The following LRP1B variants were observed in gnomAD, a reference collection of about 807,000 sequenced individuals.
The protein encoded by LRP1B is LDL receptor related protein 1B.
In LRP1B, 217 loss-of-function variants were observed where a neutral mutation model predicts 556.6. That is an observed-to-expected ratio of 0.39 (90% CI 0.35 to 0.44). LRP1B has a LOEUF of 0.44. Ranked by LOEUF, LRP1B falls within the 20% of genes least tolerant of loss-of-function variation. The probability of loss-of-function intolerance (pLI) is 1.00; values close to 1 mark genes in which losing one functional copy is unlikely to be tolerated. For synonymous variants in LRP1B, 2,047 were observed against 1,865.8 expected (o/e 1.10, Z -2.50); for missense variants, 5,053 against 5,620.8 (o/e 0.90, Z 3.23).
intron 51 of LRP1B, among the ~76,000 whole-genome samples, chr2:140,513,290 C>A (rs1007238859): frequency 3.9e-5 from 6 of 152,034 alleles, no homozygotes; most frequent in Admixed American, 3.9e-4. Context: ...ACTTTAGAGA[C>A]TTTGCCCCTA....
Position 140,485,428 on chromosome 2 carries a change from A to G in LRP1B, c.9340T>C (p.Ser3114Pro). 6.2e-7 allele frequency: 1 copy of G among 1,613,798 alleles called. No individual in the cohort carries two copies. Among genetic ancestry groups the G allele is most frequent in the Non-Finnish European group, 8.5e-7 (1 of 1,179,738 alleles). ...GTAGGGTACAAGCCATTGAGTTTGG[A>G]TACTTCAATGATTCTTTTTTCTGTG... ...SDTEKRIIEVSKLNGLYPTIL... is the reference protein window; with the variant it reads ...SDTEKRIIEVPKLNGLYPTIL... Residue 3114 changes from serine (S) to proline (P), a missense_variant, in exon 59 of 91, where the codon TCC (serine) becomes CCC (proline). By Grantham distance (74) the Ser-to-Pro change is moderately conservative. Transcript: ENST00000389484.
At chr2:140,314,580 A>G (rs1684440566) in intron 83 of LRP1B, among the ~76,000 whole-genome samples, 1 of 152,082 alleles carries the variant, frequency 6.6e-6, no homozygotes, top group South Asian at 2.1e-4. Context: ...ATTGATTTTT[A>G]GCATTAGGAA....
At chr2:142,107,420 G>T (rs1433284024) in intron 1 of LRP1B, among the ~76,000 whole-genome samples, 3 of 151,984 alleles carry the variant, frequency 2.0e-5, no homozygotes, top group Non-Finnish European at 4.4e-5. Context: ...TTTTTCTTTT[G>T]CACCTCTGCC....
intron 43 of LRP1B, among the ~76,000 whole-genome samples, chr2:140,594,829 C>T (rs938252541): frequency 1.6e-4 from 24 of 151,872 alleles, no homozygotes; most frequent in Non-Finnish European, 3.2e-4. Flanking sequence ...TATTGTATTG[C>T]TTCAGCATTT....
chr2:141,053,560 C>G (rs949399074), intron 10 of LRP1B, among the ~76,000 whole-genome samples: 1 of 151,936 alleles, frequency 6.6e-6, no homozygotes, highest in Non-Finnish European at 1.5e-5. Flanking sequence ...GATGTTCCAG[C>G]TTTCAGCCAG....
intron 7 of LRP1B, among the ~76,000 whole-genome samples, chr2:141,103,901 G>A (rs746742279): frequency 3.3e-5 from 5 of 151,774 alleles, no homozygotes; most frequent in Non-Finnish European, 7.4e-5. Flanking sequence ...AAATTATTTT[G>A]TACCAACCAC....
At chr2:140,375,771 GC>G (rs1683200562) in intron 68 of LRP1B, among the ~76,000 whole-genome samples, 1 of 151,894 alleles carries the variant, frequency 6.6e-6, no homozygotes, top group Admixed American at 6.6e-5. Context: ...TAAATGTAGA[GC>G]AAAAATATTA....
intron 2 of LRP1B, among the ~76,000 whole-genome samples, chr2:141,724,083 G>A (rs1351226867): frequency 6.6e-6 from 1 of 151,872 alleles, no homozygotes; most frequent in African/African-American, 2.4e-5. Flanking sequence ...TAAATAGTCT[G>A]TACCTTGATG....
intron 41 of LRP1B, among the ~76,000 whole-genome samples, chr2:140,626,734 T>A (rs931616275): frequency 1.4e-5 from 2 of 146,424 alleles, no homozygotes; most frequent in African/African-American, 2.5e-5. Context: ...ATAAGGATCA[T>A]CCAAAGGTAA....
intron 3 of LRP1B, among the ~76,000 whole-genome samples, chr2:141,347,151 T>A (rs1477311929): frequency 2.0e-5 from 3 of 152,064 alleles, no homozygotes; most frequent in Non-Finnish European, 4.4e-5. Flanking sequence ...ACTTTTTGGG[T>A]TTTTTAACTT....
chr2:141,435,211 C>A (rs901095102), intron 3 of LRP1B, among the ~76,000 whole-genome samples: 1 of 152,030 alleles, frequency 6.6e-6, no homozygotes. Context: ...GTTTTTTGGT[C>A]AGAGGTTGTA....
In LRP1B at chr2:140,601,575, A is replaced by G. The variant is rs1260530496; in HGVS notation, c.6864T>C (p.Ser2288=). 1 of 1,613,032 alleles carries G rather than the reference A, an allele frequency of 6.2e-7. No homozygotes were observed. The highest frequency in any genetic ancestry group is 2.2e-5 in the East Asian group (1 of 44,870). The change falls in exon 42 of 91, where the codon TCT becomes TCC. Residue 2288 remains serine (S), a synonymous_variant. Coordinates refer to ENST00000389484, the MANE Select transcript of LRP1B (RefSeq NM_018557.3). ...TGTGTCTGGTGATGGATGAGGTGGTAGAGCTTGTCCAGTACAGTGTATCCC... is the reference window on the plus strand; with the variant it reads ...TGTGTCTGGTGATGGATGAGGTGGTGGAGCTTGTCCAGTACAGTGTATCCC... The part of the protein sequence containing the change: ...RAWDTLYWTS[S]TTSSITRHTV...
At chr2:141,722,501 G>A (rs1218944854) in intron 2 of LRP1B, among the ~76,000 whole-genome samples, 1 of 152,112 alleles carries the variant, frequency 6.6e-6, no homozygotes, top group Non-Finnish European at 1.5e-5. Flanking sequence ...TGATTGTTAT[G>A]TGTCTGTGTT....
chr2:140,918,891 CA>C (rs1353568171), intron 21 of LRP1B, among the ~76,000 whole-genome samples: 1 of 151,960 alleles, frequency 6.6e-6, no homozygotes, highest in Non-Finnish European at 1.5e-5. Flanking sequence ...GTTGTTTAAA[CA>C]ACCCAGTTTA....
chr2:140,631,495 A>T (rs1683882753), intron 41 of LRP1B, among the ~76,000 whole-genome samples: 1 of 152,258 alleles, frequency 6.6e-6, no homozygotes, highest in South Asian at 2.1e-4. Flanking sequence ...TGGTGGAAAT[A>T]AAAAACACTG....
At chr2:141,357,341 T>A (rs1329679245) in intron 3 of LRP1B, among the ~76,000 whole-genome samples, 1 of 152,176 alleles carries the variant, frequency 6.6e-6, no homozygotes, top group Non-Finnish European at 1.5e-5. Flanking sequence ...TGAAGGTTTT[T>A]CCATCATAAT....
chr2:140,524,820 G>C (rs1206730234), intron 49 of LRP1B, among the ~76,000 whole-genome samples: 2 of 151,718 alleles, frequency 1.3e-5, no homozygotes, highest in Non-Finnish European at 2.9e-5. Flanking sequence ...AGGAGGCAAA[G>C]GACTGAAAAA....
At chr2:140,711,055 T>C (rs1031961957) in intron 37 of LRP1B, among the ~76,000 whole-genome samples, 7 of 152,056 alleles carry the variant, frequency 4.6e-5, no homozygotes, top group Non-Finnish European at 7.4e-5. Context: ...TTGCATGAAA[T>C]GTCTGAGGAG....
intron 41 of LRP1B, among the ~76,000 whole-genome samples, chr2:140,623,647 G>A (rs966494024): frequency 2.0e-5 from 3 of 151,926 alleles, no homozygotes; most frequent in East Asian, 3.9e-4. Context: ...GGCCTAGCAC[G>A]GTGGCTTACT....
Sources: gnomAD v4.1 joint callset for allele counts (sites outside exome capture counted in the v4.1 genomes callset) on GRCh38, gnomAD v4.1.1 for gene constraint, MANE v1.5 for transcripts, NCBI Gene and HGNC (gene_info 2026-07-23, HGNC 2026-07-21) for gene names.